DAB1: variants seen among roughly 807,000 people sequenced by gnomAD.
DAB1 encodes the protein disabled homolog 1.
Under a neutral mutation model 64.6 loss-of-function variants are expected in DAB1, and 15 were observed. That is an observed-to-expected ratio of 0.23 (90% CI 0.16 to 0.36). The LOEUF (loss-of-function observed/expected upper bound fraction) is 0.36. Ranked by LOEUF, DAB1 falls within the 10% of genes least tolerant of loss-of-function variation. DAB1 has a pLI of 1.00. For missense variants in DAB1, 596 were observed against 706.7 expected, an observed-to-expected ratio of 0.84 and a Z score of 1.78; for synonymous variants, 235 against 251.9, an observed-to-expected ratio of 0.93 and a Z score of 0.64.
intron 6 of DAB1, among the ~76,000 whole-genome samples, chr1:57,709,342 A>G (rs576298580): frequency 1.3e-5 from 2 of 152,196 alleles, no homozygotes; most frequent in Non-Finnish European, 2.9e-5. Context: ...AATTTCAAAG[A>G]TATTTTTCTT....
intron 4 of DAB1, among the ~76,000 whole-genome samples, chr1:58,315,075 T>A (rs964454657): frequency 2.6e-5 from 4 of 152,182 alleles, no homozygotes; most frequent in African/African-American, 7.2e-5. Context: ...GAATTATTTA[T>A]TTATGGTTTC....
intron 4 of DAB1, chr1:58,343,343 T>C (rs1643962115): frequency 6.6e-6 from 1 of 152,116 alleles, no homozygotes; most frequent in African/African-American, 2.4e-5. Flanking sequence ...GGTAGTTCCT[T>C]AGACTTACAC....
intron 5 of DAB1, among the ~76,000 whole-genome samples, chr1:57,935,747 C>CA (rs1342572337): frequency 1.3e-5 from 2 of 152,018 alleles, no homozygotes; most frequent in South Asian, 2.1e-4. Flanking sequence ...ACAACAACAA[C>CA]AAAAAACGAG....
chr1:58,376,173 T>C (rs556035884), intron 3 of DAB1, among the ~76,000 whole-genome samples: 1 of 151,362 alleles, frequency 6.6e-6, no homozygotes, highest in South Asian at 2.1e-4. Flanking sequence ...TTTGTCTCTA[T>C]TTCCTTCAGT....
chr1:58,334,656 T>C lies in DAB1; in HGVS notation n.309+8696A>G, dbSNP rs543225384. ...TATATCATATCATATCATATCATAT[T>C]ATATTATATTATATTGTATTATATA... On this transcript the variant is annotated intron_variant and non_coding_transcript_variant, in intron 4 of 20. Coordinates refer to the DAB1 transcript ENST00000485760. 1.7e-3 allele frequency among the ~76,000 whole-genome samples: 248 copies of C among 145,484 alleles called. 1 individual carries two copies. Among genetic ancestry groups the C allele is most frequent in the African/African-American group, 4.5e-3 (179 of 39,630 alleles).
At chr1:58,179,076 T>C (rs1286041737) in intron 4 of DAB1, among the ~76,000 whole-genome samples, 1 of 152,042 alleles carries the variant, frequency 6.6e-6, no homozygotes, top group Non-Finnish European at 1.5e-5. Flanking sequence ...TTTTTTGGCA[T>C]GTATTGAGAT....
intron 4 of DAB1, among the ~76,000 whole-genome samples, chr1:58,241,795 C>A (rs1005066569): frequency 2.0e-5 from 3 of 151,870 alleles, no homozygotes; most frequent in African/African-American, 7.3e-5. Context: ...ATCAAATTAG[C>A]AAAAGTAAAA....
chr1:57,022,560 C>T (rs968679644), intron 11 of DAB1, among the ~76,000 whole-genome samples: 1 of 152,182 alleles, frequency 6.6e-6, no homozygotes, highest in African/African-American at 2.4e-5. Flanking sequence ...TATTTTAGAA[C>T]AGGGTATGCA....
At chr1:57,926,883 C>G (rs969800836) in intron 5 of DAB1, among the ~76,000 whole-genome samples, 6 of 152,170 alleles carry the variant, frequency 3.9e-5, no homozygotes, top group African/African-American at 1.4e-4. Context: ...CTTTCCATTA[C>G]AGTCAATTAC....
chr1:57,061,551 T>G (rs1217050219), intron 9 of DAB1, among the ~76,000 whole-genome samples: 1 of 152,206 alleles, frequency 6.6e-6, no homozygotes, highest in African/African-American at 2.4e-5. Flanking sequence ...GCTCTGACTG[T>G]GGGAAGGTCA....
chr1:58,049,130 G>A (rs544136185), intron 5 of DAB1: 15 of 809,136 alleles, frequency 1.9e-5, no homozygotes, highest in South Asian at 9.3e-5. Context: ...CAAAGCCCCC[G>A]GAGCACTTGG....
At chr1:57,984,000 A>G (rs1269555290) in intron 5 of DAB1, among the ~76,000 whole-genome samples, 5 of 152,120 alleles carry the variant, frequency 3.3e-5, no homozygotes, top group African/African-American at 1.2e-4. Context: ...GCACACACAC[A>G]TTTACTATGA....
chr1:58,140,630 C>T (rs1654229556), intron 5 of DAB1, among the ~76,000 whole-genome samples: 2 of 152,010 alleles, frequency 1.3e-5, no homozygotes, highest in Admixed American at 1.3e-4. Context: ...CTGTTTAATG[C>T]CTAGCTCCCC....
Position 57,127,971 on chromosome 1 carries a change from A to C in DAB1, c.306+8572T>G, listed in dbSNP as rs1445652631. 4.6e-5 allele frequency among the ~76,000 whole-genome samples: 7 copies of C among 151,932 alleles called. 1 individual carries two copies. The highest frequency in any genetic ancestry group is 4.6e-4 in the Admixed American group (7 of 15,240). On this transcript the variant is annotated intron_variant, in intron 4 of 14. Transcript: ENST00000371236. ...GAGACCAGACTAGCCAACATGGTGAAATCTCATCTCTACTAAAAATACAAA... is the reference window on the plus strand; with the variant it reads ...GAGACCAGACTAGCCAACATGGTGACATCTCATCTCTACTAAAAATACAAA...
chr1:57,371,782 G>A (rs1680516341), intron 1 of DAB1, among the ~76,000 whole-genome samples: 1 of 152,186 alleles, frequency 6.6e-6, no homozygotes, highest in South Asian at 2.1e-4. Flanking sequence ...CCACTTTAAG[G>A]CAGTGATTCT....
chr1:57,560,272 C>T (rs570462738), intron 7 of DAB1, among the ~76,000 whole-genome samples: 30 of 152,298 alleles, frequency 2.0e-4, no homozygotes, highest in Admixed American at 1.0e-3. Flanking sequence ...TTTTTGCTTC[C>T]GCAAGGTATC....
chr1:57,884,524 C>T (rs71642142), upstream of DAB1, among the ~76,000 whole-genome samples: 22 of 152,212 alleles, frequency 1.4e-4, no homozygotes, highest in Non-Finnish European at 2.2e-4. Flanking sequence ...TTGGATGAAT[C>T]TATCTGTAGG....
intron 5 of DAB1, among the ~76,000 whole-genome samples, chr1:58,116,675 T>C (rs751747761): frequency 1.4e-4 from 22 of 152,200 alleles, no homozygotes; most frequent in Admixed American, 3.9e-4. Flanking sequence ...GATTTTCCAT[T>C]TCTTCCTCTG....
At chr1:58,307,114 C>G (rs59014102) in intron 4 of DAB1, among the ~76,000 whole-genome samples, 5,447 of 152,240 alleles carry the variant, frequency 0.036, 339 homozygotes, top group African/African-American at 0.12. Context: ...ACAAATCAAA[C>G]AATAACGTTT....
Sources: allele counts gnomAD v4.1 joint callset (sites outside exome capture counted in the v4.1 genomes callset), GRCh38; gene constraint gnomAD v4.1.1; transcripts MANE v1.5; gene names NCBI Gene and HGNC (gene_info 2026-07-23, HGNC 2026-07-21).